Variants in CRYBG3 observed in about 807,000 individuals in gnomAD.
CRYBG3 encodes very large A-kinase anchor protein.
A neutral mutation model predicts 244.2 loss-of-function variants in CRYBG3; 127 were observed. The observed-to-expected ratio is 0.52, with a 90% CI of 0.45 to 0.60. The LOEUF (loss-of-function observed/expected upper bound fraction) is 0.60, where lower values mean the gene tolerates loss of function less well. CRYBG3 is among the 20% of genes least tolerant of loss of function. CRYBG3 has a pLI of 0.00. For synonymous variants in CRYBG3, 1,132 were observed against 1,195.8 expected (o/e 0.95, Z 1.10); for missense variants, 3,325 against 3,442.5 (o/e 0.97, Z 0.85).
chr3:97,840,045 G>A (rs1298078692), intron 1 of CRYBG3, among the ~76,000 whole-genome samples: 2 of 152,020 alleles, frequency 1.3e-5, no homozygotes, highest in Admixed American at 6.6e-5. Flanking sequence ...GCAAATATGT[G>A]GGAGGTATTG....
intron 17 of CRYBG3, 66 bp from the exon 18 acceptor site, chr3:97,933,628 G>C: frequency 6.6e-7 from 1 of 1,523,350 alleles, no homozygotes; most frequent in Non-Finnish European, 9.1e-7. Flanking sequence ...GGTACCCTGT[G>C]TTCAGACTGG....
intron 2 of CRYBG3, among the ~76,000 whole-genome samples, chr3:97,853,603 A>T (rs2039020788): frequency 6.6e-6 from 1 of 152,100 alleles, no homozygotes; most frequent in African/African-American, 2.4e-5. Context: ...AAAATGGTAG[A>T]TCTACTTTTA....
intron 7 of CRYBG3, among the ~76,000 whole-genome samples, chr3:97,884,645 C>A (rs2039487089): frequency 6.6e-6 from 1 of 151,902 alleles, no homozygotes; most frequent in Non-Finnish European, 1.5e-5. Context: ...CTTGCAGTTG[C>A]TCGTGTTTGA....
At chr3:97,892,791 TG>T (rs1240131230) in intron 10 of CRYBG3, 68 bp from the exon 11 acceptor site, 1 of 718,768 alleles carries the variant, frequency 1.4e-6, no homozygotes, top group Non-Finnish European at 2.2e-6. Context: ...GTACATTTTG[TG>T]GTCTTTGGTG....
chr3:97,874,319 C>T lies in CRYBG3; in HGVS notation c.3125C>T (p.Ser1042Leu). 2.6e-6 allele frequency: 4 copies of T among 1,527,682 alleles called. No homozygotes were observed. The highest frequency in any genetic ancestry group is 2.0e-5 in the Admixed American group (1 of 48,822). 94.6% of individuals were successfully genotyped at this position (1,527,682 alleles called of 1,614,324 possible). A position where few individuals can be genotyped will look rare whatever the true frequency, so the allele number is the denominator to read the frequency against. ...PSVLKLEKKS[S>L]SYRKKENIHF... ...GTGCTGAAATTGGAAAAGAAATCCT[C>T]ATCTTACAGAAAGAAAGAGAACATC... is the stretch of plus-strand genomic sequence containing the variant. Residue 1042 changes from serine (S) to leucine (L), a missense_variant, in exon 4 of 22, where the codon TCA (serine) becomes TTA (leucine). Coordinates refer to ENST00000389622, the MANE Select transcript of CRYBG3 (RefSeq NM_153605.4).
intron 10 of CRYBG3, among the ~76,000 whole-genome samples, chr3:97,891,041 A>G (rs1485657967): frequency 1.3e-5 from 2 of 152,126 alleles, no homozygotes; most frequent in African/African-American, 4.8e-5. Context: ...GAAGTTTTGT[A>G]TTTAAATTCT....
intron 3 of CRYBG3, among the ~76,000 whole-genome samples, chr3:97,869,434 G>T (rs2039275074): frequency 6.6e-6 from 1 of 152,090 alleles, no homozygotes; most frequent in Non-Finnish European, 1.5e-5. Context: ...TGTAAGAACA[G>T]AATTTTGTAC....
At position 97,877,978 on chromosome 3, in the gene CRYBG3, C is replaced by G; in HGVS notation, c.6784C>G (p.Pro2262Ala). ...GARFGGIFQEPVSKYFRVQDS... is the reference protein window; with the variant it reads ...GARFGGIFQEAVSKYFRVQDS... ...CAGATTTGGTGGAATTTTTCAGGAA[C>G]CAGTGTCAAAATATTTCCGTGTTCA... Residue 2262 changes from proline (P) to alanine (A), a missense_variant, in exon 4 of 22, where the codon CCA becomes GCA. Around this residue, in one of 4 missense-constraint regions of CRYBG3, gnomAD observed 450 missense variants for 424.1 expected, o/e 1.06. Coordinates refer to ENST00000389622, the MANE Select transcript of CRYBG3 (RefSeq NM_153605.4). The G allele has an allele frequency of 2.5e-6, 4 of 1,614,068 alleles. No homozygotes were observed. Among genetic ancestry groups the G allele is most frequent in the Non-Finnish European group, 3.4e-6 (4 of 1,179,982 alleles).
intron 1 of CRYBG3, among the ~76,000 whole-genome samples, chr3:97,822,600 C>T (rs560719345): frequency 6.6e-6 from 1 of 152,224 alleles, no homozygotes; most frequent in African/African-American, 2.4e-5. Flanking sequence ...CGCATATCCC[C>T]CGATCCCCGC....
intron 15 of CRYBG3, among the ~76,000 whole-genome samples, chr3:97,901,943 A>G (rs1481325740): frequency 6.6e-6 from 1 of 152,230 alleles, no homozygotes; most frequent in African/African-American, 2.4e-5. Context: ...GGTATATGAT[A>G]GCTGGATATT....
At chr3:97,830,266 TTTATAAAACCAC>T (rs1181402495) in intron 1 of CRYBG3, among the ~76,000 whole-genome samples, 1 of 152,212 alleles carries the variant, frequency 6.6e-6, no homozygotes, top group African/African-American at 2.4e-5. Flanking sequence ...CACAAATACA[TTTATAAAACCAC>T]TTTCAGTGCT....
intron 15 of CRYBG3, among the ~76,000 whole-genome samples, chr3:97,909,963 AACAG>A (rs1441328584): frequency 6.6e-6 from 1 of 150,696 alleles, no homozygotes; most frequent in East Asian, 2.0e-4. Context: ...TTTTCCTTCT[AACAG>A]ACAGGACCCT....
At chr3:97,914,387 TG>T (rs1559742465) in intron 16 of CRYBG3, among the ~76,000 whole-genome samples, 1 of 152,156 alleles carries the variant, frequency 6.6e-6, no homozygotes, top group Non-Finnish European at 1.5e-5. Flanking sequence ...TGAGAAGCAT[TG>T]AAGTTTTTCT....
intron 18 of CRYBG3, among the ~76,000 whole-genome samples, 155 bp downstream of exon 18, chr3:97,933,988 T>G (rs1163136689): frequency 6.6e-6 from 1 of 152,130 alleles, no homozygotes; most frequent in African/African-American, 2.4e-5. Flanking sequence ...TCACAGCATG[T>G]GTCATAGAGT....
chr3:97,867,510 C>T (rs1321439972), intron 3 of CRYBG3, among the ~76,000 whole-genome samples: 5 of 152,078 alleles, frequency 3.3e-5, no homozygotes, highest in South Asian at 2.1e-4. Flanking sequence ...TAGAATAGAG[C>T]GTATCCGTAT....
chr3:97,942,475 C>T, intron 21 of CRYBG3, 32 bp downstream of exon 21: 1 of 1,552,800 alleles, frequency 6.4e-7, no homozygotes, highest in Admixed American at 1.8e-5. Flanking sequence ...ATGTTGTGTC[C>T]CTGGATATTA....
intron 16 of CRYBG3, 126 bp downstream of exon 16, chr3:97,912,402 T>C (rs1258339945): frequency 2.1e-6 from 1 of 468,070 alleles, no homozygotes; most frequent in African/African-American, 2.0e-5. Flanking sequence ...TTTTACCTGC[T>C]AACTGGTCTA....
At chr3:97,883,246 C>G (rs1273566666) in intron 7 of CRYBG3, among the ~76,000 whole-genome samples, 3 of 152,102 alleles carry the variant, frequency 2.0e-5, no homozygotes, top group East Asian at 3.9e-4. Context: ...AGAGCAATGT[C>G]CATTTTCACT....
chr3:97,887,816 G>A (rs973664233), intron 8 of CRYBG3, among the ~76,000 whole-genome samples: 5 of 152,066 alleles, frequency 3.3e-5, no homozygotes, highest in African/African-American at 1.2e-4. Context: ...GTAATTGGCT[G>A]TGTCCATGAG....
Sources: allele counts gnomAD v4.1 joint callset (sites outside exome capture counted in the v4.1 genomes callset), GRCh38; gene constraint gnomAD v4.1.1; regional missense constraint gnomAD v4.1.1; transcripts MANE v1.5; gene names NCBI Gene and HGNC (gene_info 2026-07-23, HGNC 2026-07-21).